PTPRN2: variants seen among roughly 807,000 people sequenced by gnomAD.
The protein encoded by PTPRN2 is protein tyrosine phosphatase receptor type N2, also known as receptor-type tyrosine-protein phosphatase N2.
In PTPRN2, 74 loss-of-function variants were observed where a neutral mutation model predicts 118.8. The observed-to-expected ratio is 0.62, with a 90% CI of 0.52 to 0.76. PTPRN2 has a LOEUF of 0.76. PTPRN2 is among the 30% of genes least tolerant of loss of function. The probability of loss-of-function intolerance (pLI) is 0.00; values close to 1 mark genes in which losing one functional copy is unlikely to be tolerated. For missense variants in PTPRN2, 1,481 were observed against 1,394.4 expected (o/e 1.06, Z -0.99); for synonymous variants, 641 against 608.0 (o/e 1.05, Z -0.80).
chr7:158,391,444 C>T (rs1003891709), intron 2 of PTPRN2, among the ~76,000 whole-genome samples: 3 of 152,230 alleles, frequency 2.0e-5, no homozygotes, highest in African/African-American at 4.8e-5. Flanking sequence ...AGAGGCCCGT[C>T]GGGAAAGAGA....
In PTPRN2 at chr7:157,587,155, A is replaced by ACAGGCAGGCAGACAGGCAGACAGG. The variant is rs1554498194; in HGVS notation, c.2496+8082_2496+8083insCCTGTCTGCCTGTCTGCCTGCCTG. Among the ~76,000 whole-genome samples the ACAGGCAGGCAGACAGGCAGACAGG allele has an allele frequency of 6.8e-4, 103 of 152,190 alleles. No homozygotes were observed. Among genetic ancestry groups the ACAGGCAGGCAGACAGGCAGACAGG allele is most frequent in the Non-Finnish European group, 1.1e-3 (73 of 67,994 alleles). On this transcript the variant is annotated intron_variant, in intron 17 of 22. Coordinates refer to ENST00000389418, the MANE Select transcript of PTPRN2 (RefSeq NM_002847.5). This position sits in a 1 kb window ranked among gnomAD's most constrained non-coding sequence, Gnocchi z 5.3. ...GATACACAGGCAGGCAGACAGGCAGACAGGCAGGCAGACAGACAAGACAGG... is the reference window on the plus strand; with the variant it reads ...GATACACAGGCAGGCAGACAGGCAGACAGGCAGGCAGACAGGCAGACAGGCAGGCAGGCAGACAGACAAGACAGG...
chr7:157,819,513 T>G (rs1461314765), intron 12 of PTPRN2, among the ~76,000 whole-genome samples: 1 of 70,526 alleles, frequency 1.4e-5, no homozygotes, highest in Admixed American at 1.4e-4. Flanking sequence ...CAGCCCTCCC[T>G]CCCGCCCCAA....
chr7:158,369,442 AC>A (rs1189569417), intron 2 of PTPRN2, among the ~76,000 whole-genome samples: 4 of 151,434 alleles, frequency 2.6e-5, no homozygotes, highest in Non-Finnish European at 5.9e-5. Flanking sequence ...TCAGAACAGG[AC>A]CCCCCCAACC....
chr7:158,008,122 G>T (rs12670211), intron 11 of PTPRN2, among the ~76,000 whole-genome samples: 4 of 135,320 alleles, frequency 3.0e-5, no homozygotes, highest in African/African-American at 8.4e-5. Context: ...TGTGTGTGTG[G>T]GTGTGTACAT....
Position 158,438,043 on chromosome 7 carries a change from G to A in PTPRN2, c.163+51692C>T, listed in dbSNP as rs949789434. 4.1e-4 allele frequency among the ~76,000 whole-genome samples: 63 copies of A among 152,196 alleles called. No individual in the cohort carries two copies. The highest frequency in any genetic ancestry group is 1.5e-3 in the African/African-American group (61 of 41,448). ...GCCCCCAGGAGACAGGCAGCCCGCAGGGAGTGGGCTCCCTAACAGTGCCCC... is the reference window on the plus strand; with the variant it reads ...GCCCCCAGGAGACAGGCAGCCCGCAAGGAGTGGGCTCCCTAACAGTGCCCC... On this transcript the variant is annotated intron_variant, in intron 2 of 22. Coordinates refer to ENST00000389418, the MANE Select transcript of PTPRN2 (RefSeq NM_002847.5). The surrounding 1 kb of genome is among the most constrained non-coding windows in gnomAD (Gnocchi z 4.7).
intron 3 of PTPRN2, among the ~76,000 whole-genome samples, chr7:158,275,787 G>A (rs925290248): frequency 6.6e-6 from 1 of 152,100 alleles, no homozygotes; most frequent in African/African-American, 2.4e-5. Context: ...TTGCAGTGAT[G>A]GGGCCTCCAC....
rs142266137 is a variant in PTPRN2 at position 157,629,593 on chromosome 7, CCAT to C, written c.2197-8087_2197-8085del. ...AGTCCCCACGGATGACTGGAGGCGC[CCAT>C]CATCACTCCGTGGGTCTTCGGATAT... is the stretch of plus-strand genomic sequence containing the variant. On this transcript the variant is annotated intron_variant, in intron 14 of 22. Coordinates refer to ENST00000389418, the MANE Select transcript of PTPRN2 (RefSeq NM_002847.5). This position sits in a 1 kb window ranked among gnomAD's most constrained non-coding sequence, Gnocchi z 4.4. 0.047 allele frequency among the ~76,000 whole-genome samples: 7,109 copies of C among 152,152 alleles called. 276 individuals are homozygous for C. The highest frequency in any genetic ancestry group is 0.17 in the East Asian group (901 of 5,150).
intron 11 of PTPRN2, among the ~76,000 whole-genome samples, chr7:157,966,355 T>G (rs1801927708): frequency 6.7e-6 from 1 of 150,362 alleles, no homozygotes; most frequent in African/African-American, 2.4e-5. Context: ...TCATTTTCAT[T>G]ATCAACATCT....
chr7:157,967,756 A>C (rs115916218), intron 11 of PTPRN2, among the ~76,000 whole-genome samples: 2,006 of 152,324 alleles, frequency 0.013, 40 homozygotes, highest in African/African-American at 0.045. Context: ...GACATTGAAA[A>C]GTATCTGGCT....
chr7:157,739,282 A>G (rs1800483628), intron 12 of PTPRN2: 1 of 152,256 alleles, frequency 6.6e-6, no homozygotes, highest in African/African-American at 2.4e-5. Flanking sequence ...CAGCAGCTGG[A>G]CACAAATATA....
chr7:157,640,970 G>C (rs887776041), intron 14 of PTPRN2, among the ~76,000 whole-genome samples: 1 of 152,240 alleles, frequency 6.6e-6, no homozygotes, highest in Non-Finnish European at 1.5e-5. Flanking sequence ...GATGGGGGGA[G>C]AGGGGAACCT....
chr7:158,095,865 G>A (rs571991402), intron 10 of PTPRN2, among the ~76,000 whole-genome samples: 15 of 152,268 alleles, frequency 9.9e-5, no homozygotes, highest in Admixed American at 7.2e-4. Context: ...GGCGTGAGCC[G>A]CCGCACCAGG....
intron 5 of PTPRN2, among the ~76,000 whole-genome samples, chr7:158,184,048 G>A (rs1824937835): frequency 7.2e-6 from 1 of 139,470 alleles, no homozygotes; most frequent in South Asian, 2.5e-4. Context: ...CTATTTGCAA[G>A]TATTTTTCTA....
In PTPRN2 at chr7:157,986,815, C is replaced by G. The variant is rs973380580; in HGVS notation, c.1724-88078G>C. On this transcript the variant is annotated intron_variant, in intron 11 of 22. Coordinates refer to ENST00000389418, the MANE Select transcript of PTPRN2 (RefSeq NM_002847.5). The surrounding 1 kb of genome is among the most constrained non-coding windows in gnomAD (Gnocchi z 4.5). ...GAGGAGACATTTTGGAGCAGGTGGT[C>G]GGTGCCCACCCACTGACAGGAGCTG... 1.3e-5 allele frequency among the ~76,000 whole-genome samples: 2 copies of G among 152,068 alleles called. No individual in the cohort carries two copies. Among genetic ancestry groups the G allele is most frequent in the Non-Finnish European group, 2.9e-5 (2 of 68,000 alleles).
chr7:158,044,207 A>G (rs142879522), intron 11 of PTPRN2, among the ~76,000 whole-genome samples: 5 of 152,346 alleles, frequency 3.3e-5, no homozygotes, highest in Admixed American at 3.3e-4. Flanking sequence ...GGTTAAATAA[A>G]AAACACTTAA....
intron 13 of PTPRN2, among the ~76,000 whole-genome samples, chr7:157,664,623 G>A (rs1476972424): frequency 6.6e-6 from 1 of 151,990 alleles, no homozygotes; most frequent in Non-Finnish European, 1.5e-5. Context: ...GCTAGGTGTG[G>A]TGGCGTGCAC....
chr7:158,171,933 C>A (rs1285890499), intron 5 of PTPRN2, among the ~76,000 whole-genome samples: 1 of 152,188 alleles, frequency 6.6e-6, no homozygotes, highest in African/African-American at 2.4e-5. Flanking sequence ...AGGCGATGGA[C>A]ATTCCTGTGC....
chr7:157,657,248 T>G (rs1348572437), intron 13 of PTPRN2, among the ~76,000 whole-genome samples: 1 of 35,806 alleles, frequency 2.8e-5, no homozygotes, highest in Non-Finnish European at 5.3e-5. Context: ...ACCACACACA[T>G]CACACATATA....
At position 157,627,774 on chromosome 7, in the gene PTPRN2, G is replaced by A. The variant is rs186992387; in HGVS notation, c.2197-6265C>T. On this transcript the variant is annotated intron_variant, in intron 14 of 22. Coordinates refer to ENST00000389418, the MANE Select transcript of PTPRN2 (RefSeq NM_002847.5). The surrounding 1 kb of genome is among the most constrained non-coding windows in gnomAD (Gnocchi z 4.2). Reference sequence around the variant, plus strand: ...TCAAACCATTCATGGAGAAAGCTACGGGGACTCAGGAAGTGGGTTTCCCAA... The same window carrying A: ...TCAAACCATTCATGGAGAAAGCTACAGGGACTCAGGAAGTGGGTTTCCCAA... Among the ~76,000 whole-genome samples the A allele has an allele frequency of 3.9e-5, 6 of 152,086 alleles. No individual in the cohort carries two copies. The highest frequency in any genetic ancestry group is 1.4e-4 in the African/African-American group (6 of 41,408).
Sources: gnomAD v4.1 joint callset for allele counts (sites outside exome capture counted in the v4.1 genomes callset) on GRCh38, gnomAD v4.1.1 for gene constraint, Gnocchi (gnomAD v3.1) non-coding constraint, MANE v1.5 for transcripts, NCBI Gene and HGNC (gene_info 2026-07-23, HGNC 2026-07-21) for gene names.